The following ZNF280D variants were observed in gnomAD, a reference collection of about 807,000 sequenced individuals.
ZNF280D encodes the protein suppressor of hairy wing homolog 4.
ZNF280D carries 39 observed loss-of-function variants against 94.7 expected under a neutral mutation model. The ratio of observed to expected loss-of-function variants is 0.41; its 90% CI spans 0.32 to 0.54. ZNF280D has a LOEUF of 0.54. Ranked by LOEUF, ZNF280D falls within the 20% of genes least tolerant of loss-of-function variation. The probability of loss-of-function intolerance (pLI) is 0.22; values close to 1 mark genes in which losing one functional copy is unlikely to be tolerated. For synonymous variants in ZNF280D, 398 were observed against 377.6 expected, an observed-to-expected ratio of 1.05 and a Z score of -0.63; for missense variants, 1,090 against 1,149.3, an observed-to-expected ratio of 0.95 and a Z score of 0.75.
chr15:56,687,055 A>G (rs1189431000), intron 9 of ZNF280D, among the ~76,000 whole-genome samples: 1 of 152,152 alleles, frequency 6.6e-6, no homozygotes, highest in Non-Finnish European at 1.5e-5. Context: ...AAGTTATTAT[A>G]ACACTAAAAC....
At chr15:56,731,328 C>T (rs1193609624) in intron 1 of ZNF280D, among the ~76,000 whole-genome samples, 1 of 151,776 alleles carries the variant, frequency 6.6e-6, no homozygotes, top group Non-Finnish European at 1.5e-5. Context: ...CACGGCAAAA[C>T]CCCATCTCTA....
intron 7 of ZNF280D, among the ~76,000 whole-genome samples, chr15:56,689,852 T>C (rs1272898812): frequency 1.3e-5 from 2 of 152,108 alleles, no homozygotes; most frequent in African/African-American, 4.8e-5. Flanking sequence ...TTGAGTACAC[T>C]AGAGTTTGTA....
chr15:56,638,260 G>A (rs2052450227), intron 20 of ZNF280D, among the ~76,000 whole-genome samples: 1 of 152,108 alleles, frequency 6.6e-6, no homozygotes, highest in African/African-American at 2.4e-5. Flanking sequence ...AAGATCCAGG[G>A]CACTTAAGGG....
At position 56,689,068 on chromosome 15, in the gene ZNF280D, A is replaced by T. The variant is rs963876697; in HGVS notation, c.753T>A (p.Leu251=). ...TCATGTGATTTTTCAAAGGATCCAA[A>T]AGATTGAAATGAATGTTGCACTTTG... The part of the protein sequence containing the change: ...ACPKCNIHFN[L]LDPLKNHMKY... Residue 251 remains leucine (L), a synonymous_variant, in exon 9 of 22, where the codon CTT becomes CTA. Transcript: ENST00000267807. 3 of 1,606,964 alleles carry T rather than the reference A, an allele frequency of 1.9e-6. No individual in the cohort carries two copies. The African/African-American group carries it at 4.0e-5, about 22-fold the overall frequency.
Position 56,676,793 on chromosome 15 carries a change from T to C in ZNF280D, c.1287A>G (p.Ser429=). 1.2e-6 allele frequency: 2 copies of C among 1,603,324 alleles called. No individual in the cohort carries two copies. Among genetic ancestry groups the C allele is most frequent in the Non-Finnish European group, 1.7e-6 (2 of 1,174,140 alleles). ...VCQVCNYRSS[S]FSDVETHFRT... ...TAAAATGAGTTTCTACATCAGAAAA[T>C]GATGATGATCTATAATTACAAACCT... Residue 429 remains serine (S), a synonymous_variant, in exon 13 of 22, where the codon TCA becomes TCG. Transcript: ENST00000267807.
intron 1 of ZNF280D, among the ~76,000 whole-genome samples, chr15:56,727,515 T>C (rs1244922880): frequency 6.6e-6 from 1 of 152,064 alleles, no homozygotes; most frequent in Non-Finnish European, 1.5e-5. Context: ...ACTAGGCAAA[T>C]AAGGGGAGGG....
intron 1 of ZNF280D, among the ~76,000 whole-genome samples, chr15:56,709,759 C>A (rs1394792988): frequency 1.3e-5 from 2 of 151,250 alleles, no homozygotes; most frequent in Non-Finnish European, 2.9e-5. Context: ...ATCACAAGGA[C>A]AAAAAAACAA....
intron 19 of ZNF280D, chr15:56,652,716 C>G: frequency 1.0e-6 from 1 of 985,262 alleles, no homozygotes; most frequent in Non-Finnish European, 1.2e-6. Flanking sequence ...AACTTTAAAA[C>G]TGGCTCTTAA....
intron 1 of ZNF280D, 150 bp from the exon 2 acceptor site, chr15:56,707,456 T>C (rs1455997359): frequency 4.8e-6 from 2 of 413,894 alleles, no homozygotes; most frequent in East Asian, 1.3e-4. Flanking sequence ...CATTCCTGAA[T>C]AAACCCAAAT....
chr15:56,654,559 A>C (rs1406725285), intron 17 of ZNF280D, 56 bp from the exon 18 acceptor site: 1 of 1,476,020 alleles, frequency 6.8e-7, no homozygotes, highest in Non-Finnish European at 9.1e-7. Context: ...TCCACTTATA[A>C]GTTTGATGAT....
chr15:56,724,771 C>G (rs979373146), intron 1 of ZNF280D: 5 of 342,452 alleles, frequency 1.5e-5, no homozygotes, highest in African/African-American at 1.1e-4. Flanking sequence ...AGAAAGACAT[C>G]TGTTGTGTAT....
At chr15:56,689,568 A>T in intron 7 of ZNF280D, 98 bp from the exon 8 acceptor site, 1 of 768,766 alleles carries the variant, frequency 1.3e-6, no homozygotes, top group Non-Finnish European at 1.9e-6. Context: ...AGGTAATATA[A>T]TTGAATTATC....
intron 13 of ZNF280D, among the ~76,000 whole-genome samples, chr15:56,670,363 C>T (rs756861576): frequency 1.3e-5 from 2 of 151,758 alleles, no homozygotes; most frequent in South Asian, 4.2e-4. Flanking sequence ...TGCCCTCTGG[C>T]AGGCCTAAGT....
intron 16 of ZNF280D, among the ~76,000 whole-genome samples, chr15:56,663,730 T>C (rs1413887515): frequency 1.3e-5 from 2 of 152,124 alleles, no homozygotes; most frequent in African/African-American, 4.8e-5. Context: ...ATTTTGAATG[T>C]TCCCATCACA....
intron 5 of ZNF280D, 33 bp downstream of exon 5, chr15:56,701,140 C>A: frequency 6.2e-7 from 1 of 1,603,684 alleles, no homozygotes; most frequent in South Asian, 1.1e-5. Flanking sequence ...AAATACTTCA[C>A]TTTAAAATTA....
chr15:56,719,152 G>A (rs1387346043), intron 1 of ZNF280D, among the ~76,000 whole-genome samples: 6 of 152,062 alleles, frequency 3.9e-5, no homozygotes, highest in African/African-American at 9.7e-5. Context: ...ATTCACCTCT[G>A]CTACAGTCTG....
intron 6 of ZNF280D, chr15:56,700,290 A>C (rs2056986959): frequency 1.7e-6 from 1 of 590,222 alleles, no homozygotes. Context: ...ATCTTGAATA[A>C]ATCTTTCAAC....
intron 1 of ZNF280D, among the ~76,000 whole-genome samples, chr15:56,729,197 T>C (rs1248406948): frequency 6.6e-6 from 1 of 152,188 alleles, no homozygotes; most frequent in Non-Finnish European, 1.5e-5. Context: ...GGCATGAAAG[T>C]AGAATCAAGA....
At chr15:56,653,301 T>A in intron 19 of ZNF280D, 1 of 1,219,782 alleles carries the variant, frequency 8.2e-7, no homozygotes, top group Non-Finnish European at 1.0e-6. Context: ...TTCTTGGTCA[T>A]AACTGACTCA....
Sources: gnomAD v4.1 joint callset for allele counts (sites outside exome capture counted in the v4.1 genomes callset) on GRCh38, gnomAD v4.1.1 for gene constraint, MANE v1.5 for transcripts, NCBI Gene and HGNC (gene_info 2026-07-23, HGNC 2026-07-21) for gene names.